TBCK: variants seen among roughly 807,000 people sequenced by gnomAD.
The protein encoded by TBCK is TBC domain-containing protein kinase-like protein.
TBCK carries 99 observed loss-of-function variants against 113.4 expected under a neutral mutation model. The ratio of observed to expected loss-of-function variants is 0.87; its 90% CI spans 0.74 to 1.03. The LOEUF (loss-of-function observed/expected upper bound fraction) is 1.03. Ranked by LOEUF, TBCK falls within the 50% of genes least tolerant of loss-of-function variation. The pLI, the probability that TBCK is intolerant of heterozygous loss-of-function variation, is 0.00. For missense variants in TBCK, 1,045 were observed against 1,061.3 expected, an observed-to-expected ratio of 0.98 and a Z score of 0.21; for synonymous variants, 369 against 370.8, an observed-to-expected ratio of 1.00 and a Z score of 0.05.
At chr4:106,069,975 T>C (rs1385895495) in intron 25 of TBCK, among the ~76,000 whole-genome samples, 1 of 152,184 alleles carries the variant, frequency 6.6e-6, no homozygotes, top group Admixed American at 6.5e-5. Flanking sequence ...GCTTGTGATT[T>C]TTGCACATTG....
At chr4:106,202,112 T>C (rs1754950526) in intron 20 of TBCK, among the ~76,000 whole-genome samples, 1 of 151,886 alleles carries the variant, frequency 6.6e-6, no homozygotes, top group South Asian at 2.1e-4. Context: ...TCTTCAGTAA[T>C]GGAAAAGTAT....
intron 24 of TBCK, among the ~76,000 whole-genome samples, chr4:106,115,015 C>A (rs976614299): frequency 6.6e-6 from 1 of 152,144 alleles, no homozygotes; most frequent in Admixed American, 6.5e-5. Context: ...AGCAACTTTT[C>A]ACAAAATGAT....
chr4:106,077,488 T>C (rs1044219052), intron 25 of TBCK, among the ~76,000 whole-genome samples: 7 of 152,102 alleles, frequency 4.6e-5, no homozygotes, highest in Admixed American at 3.9e-4. Flanking sequence ...ATTAGGTAAA[T>C]AGAAAACAGA....
upstream of TBCK, chr4:106,316,617 A>C: frequency 6.5e-7 from 1 of 1,549,498 alleles, no homozygotes; most frequent in Non-Finnish European, 8.7e-7. Context: ...GTGGCGGGTC[A>C]CTCACTCGGG....
intron 25 of TBCK, among the ~76,000 whole-genome samples, chr4:106,075,364 T>G (rs1202449923): frequency 6.6e-6 from 1 of 152,248 alleles, no homozygotes; most frequent in African/African-American, 2.4e-5. Context: ...TCTATAAGTA[T>G]GCCTGAGTAT....
intron 19 of TBCK, among the ~76,000 whole-genome samples, chr4:106,216,878 T>C (rs1469971011): frequency 1.3e-5 from 2 of 151,664 alleles, no homozygotes; most frequent in African/African-American, 4.8e-5. Flanking sequence ...GAGGCCAGCA[T>C]CATTCTGATA....
chr4:106,137,216 A>G (rs1746658763), intron 23 of TBCK, among the ~76,000 whole-genome samples: 1 of 140,712 alleles, frequency 7.1e-6, no homozygotes, highest in African/African-American at 2.5e-5. Flanking sequence ...GAAAGGATAA[A>G]CAATTTAAAG....
chr4:106,125,272 C>T (rs531569793), intron 23 of TBCK, among the ~76,000 whole-genome samples: 2 of 152,104 alleles, frequency 1.3e-5, no homozygotes, highest in South Asian at 2.1e-4. Flanking sequence ...AATATGCACT[C>T]CCATGTTCAT....
chr4:106,198,465 C>T (rs568431898), intron 20 of TBCK, among the ~76,000 whole-genome samples: 4 of 152,080 alleles, frequency 2.6e-5, no homozygotes, highest in Admixed American at 6.6e-5. Flanking sequence ...ACTTTCCTAA[C>T]GATGCACTTT....
chr4:106,108,453 A>C (rs940909006), intron 24 of TBCK, among the ~76,000 whole-genome samples: 4 of 152,204 alleles, frequency 2.6e-5, no homozygotes, highest in African/African-American at 7.2e-5. Context: ...TTGGCTCAAC[A>C]TGCAAAAAAT....
intron 11 of TBCK, 100 bp downstream of exon 11, chr4:106,244,526 T>C (rs62318081): frequency 9.7e-7 from 1 of 1,028,812 alleles, no homozygotes; most frequent in Admixed American, 5.0e-5. Flanking sequence ...AAACAACCAA[T>C]TTAAAAAAAA....
intron 23 of TBCK, among the ~76,000 whole-genome samples, chr4:106,164,056 A>G (rs1025603280): frequency 2.0e-5 from 3 of 152,122 alleles, no homozygotes; most frequent in African/African-American, 7.2e-5. Flanking sequence ...AACAAATTTC[A>G]AAAGATATGA....
intron 23 of TBCK, among the ~76,000 whole-genome samples, chr4:106,136,510 T>C (rs1746573876): frequency 7.1e-6 from 1 of 141,182 alleles, no homozygotes; most frequent in Non-Finnish European, 1.6e-5. Flanking sequence ...TTTTCAAGTA[T>C]AGTATTCTGT....
chr4:106,213,436 C>T, intron 19 of TBCK: 1 of 159,672 alleles, frequency 6.3e-6, no homozygotes, highest in South Asian at 2.0e-4. Context: ...CAGGTGATTT[C>T]TGCATTTCCA....
At chr4:106,110,061 G>A (rs929228859) in intron 24 of TBCK, among the ~76,000 whole-genome samples, 10 of 152,170 alleles carry the variant, frequency 6.6e-5, no homozygotes, top group South Asian at 2.1e-4. Context: ...AATCATCCAC[G>A]TGCAGGACTG....
rs1179340123 is a variant in TBCK at position 106,242,707 on chromosome 4, TG to T, written c.1071-139del. On this transcript the variant is annotated intron_variant, in intron 11 of 25. Coordinates refer to ENST00000394708, the MANE Select transcript of TBCK (RefSeq NM_001163435.3). ...TTAGACTGGATGTTTAATAAAACAA[TG>T]TTTTTTTAATTATTATTATTATACT... 3.7e-5 allele frequency: 19 copies of T among 512,616 alleles called. No homozygotes were observed. In the South Asian group the frequency reaches 3.9e-4, roughly 10 times the overall value. 31.8% of individuals were successfully genotyped at this position (512,616 alleles called of 1,614,324 possible).
intron 20 of TBCK, among the ~76,000 whole-genome samples, chr4:106,197,473 GA>G (rs1754401216): frequency 6.7e-6 from 1 of 148,408 alleles, no homozygotes; most frequent in Non-Finnish European, 1.5e-5. Context: ...TGATCAGAGT[GA>G]AAAAATGCCA....
intron 18 of TBCK, 37 bp downstream of exon 18, chr4:106,231,692 T>G: frequency 6.4e-7 from 1 of 1,561,836 alleles, no homozygotes; most frequent in Non-Finnish European, 8.7e-7. Context: ...TTTAGAATAT[T>G]ATGCGCAATG....
At chr4:106,066,459 C>T (rs1046570781) in intron 25 of TBCK, among the ~76,000 whole-genome samples, 3 of 151,926 alleles carry the variant, frequency 2.0e-5, no homozygotes, top group East Asian at 1.9e-4. Flanking sequence ...CTCAGATAAG[C>T]GGGTGATATT....
Sources: gnomAD v4.1 joint callset for allele counts (sites outside exome capture counted in the v4.1 genomes callset) on GRCh38, gnomAD v4.1.1 for gene constraint, MANE v1.5 for transcripts, NCBI Gene and HGNC (gene_info 2026-07-23, HGNC 2026-07-21) for gene names.